PRKN: variants seen among roughly 807,000 people sequenced by gnomAD.
PRKN encodes E3 ubiquitin-protein ligase parkin.
PRKN carries 56 observed loss-of-function variants against 59.5 expected under a neutral mutation model. That is an observed-to-expected ratio of 0.94 (90% CI 0.76 to 1.18). PRKN has a LOEUF of 1.18. PRKN is among the 50% of genes most tolerant of loss of function. PRKN has a pLI of 0.00. For synonymous variants in PRKN, 250 were observed against 222.1 expected (o/e 1.13, Z -1.12); for missense variants, 657 against 596.4 (o/e 1.10, Z -1.06).
intron 9 of PRKN, among the ~76,000 whole-genome samples, chr6:161,424,840 G>A (rs1224956972): frequency 6.6e-6 from 1 of 152,142 alleles, no homozygotes; most frequent in Non-Finnish European, 1.5e-5. Context: ...CTTTTGGTGT[G>A]TGACAGCAAT....
At chr6:162,507,472 C>A (rs917221037) in intron 1 of PRKN, among the ~76,000 whole-genome samples, 2 of 151,798 alleles carry the variant, frequency 1.3e-5, no homozygotes, top group African/African-American at 4.8e-5. Context: ...TTAAAAATAC[C>A]CAGTTCGCTC....
At chr6:161,788,481 C>T (rs1164662161) in intron 6 of PRKN, among the ~76,000 whole-genome samples, 4 of 152,160 alleles carry the variant, frequency 2.6e-5, no homozygotes, top group African/African-American at 9.7e-5. Flanking sequence ...TTGGTTCCCA[C>T]AGAGTGAAGT....
At chr6:162,385,036 C>T (rs1377253574) in intron 2 of PRKN, among the ~76,000 whole-genome samples, 1 of 151,992 alleles carries the variant, frequency 6.6e-6, no homozygotes, top group South Asian at 2.1e-4. Flanking sequence ...GTATTTCCCC[C>T]CTCATGAAAT....
intron 7 of PRKN, among the ~76,000 whole-genome samples, chr6:161,631,747 C>G (rs955800359): frequency 7.0e-6 from 1 of 142,850 alleles, no homozygotes; most frequent in African/African-American, 2.7e-5. Flanking sequence ...TATGCAGTTG[C>G]TAGGGGTACG....
At chr6:162,612,141 T>G (rs1395590575) in intron 1 of PRKN, among the ~76,000 whole-genome samples, 2 of 132,806 alleles carry the variant, frequency 1.5e-5, no homozygotes, top group Non-Finnish European at 3.1e-5. Flanking sequence ...TGCAGTGAGC[T>G]GAGATCGCGC....
intron 3 of PRKN, among the ~76,000 whole-genome samples, chr6:162,251,206 G>A (rs557513595): frequency 3.9e-5 from 6 of 152,174 alleles, no homozygotes; most frequent in South Asian, 4.1e-4. Flanking sequence ...GGCCACAAAC[G>A]TACTCCTAGT....
intron 2 of PRKN, among the ~76,000 whole-genome samples, chr6:162,289,543 A>G (rs2128108792): frequency 6.6e-6 from 1 of 152,142 alleles, no homozygotes; most frequent in East Asian, 1.9e-4. Context: ...CTGAAAATAC[A>G]AAAATTAGCC....
At chr6:162,644,351 G>A (rs992034792) in intron 1 of PRKN, among the ~76,000 whole-genome samples, 2 of 152,222 alleles carry the variant, frequency 1.3e-5, no homozygotes, top group South Asian at 2.1e-4. Flanking sequence ...GTAGCAATCA[G>A]GGTCAAAGGT....
At chr6:162,554,279 G>A (rs537376838) in intron 1 of PRKN, among the ~76,000 whole-genome samples, 48 of 152,218 alleles carry the variant, frequency 3.2e-4, no homozygotes, top group African/African-American at 8.7e-4. Flanking sequence ...TGAGGCGGGC[G>A]GATCACCTGA....
chr6:162,577,895 G>A (rs1025050765), intron 1 of PRKN, among the ~76,000 whole-genome samples: 2 of 152,074 alleles, frequency 1.3e-5, no homozygotes, highest in Non-Finnish European at 1.5e-5. Context: ...CACCAGTGCA[G>A]TCCAGCCCAG....
chr6:162,091,195 C>T (rs981254887), intron 4 of PRKN, among the ~76,000 whole-genome samples: 1 of 151,400 alleles, frequency 6.6e-6, no homozygotes, highest in Non-Finnish European at 1.5e-5. Flanking sequence ...CATGATCTAA[C>T]TATACTTTGT....
At chr6:162,340,133 A>G (rs1784104615) in intron 2 of PRKN, among the ~76,000 whole-genome samples, 1 of 108,876 alleles carries the variant, frequency 9.2e-6, no homozygotes, top group South Asian at 2.5e-4. Context: ...AGAATTATCA[A>G]TAAAAAAATA....
rs567498556 is a variant in PRKN at position 161,547,763 on chromosome 6, C to T, written c.1083+1091G>A. 6.6e-5 allele frequency among the ~76,000 whole-genome samples: 10 copies of T among 152,320 alleles called. No homozygotes were observed. Among genetic ancestry groups the T allele is most frequent in the African/African-American group, 1.9e-4 (8 of 41,558 alleles). ...CTGGAGAGTGTGTCCTGATTTCCAT[C>T]GTCTCCAGGGAGAGTAAACACTTGA... On this transcript the variant is annotated intron_variant, in intron 9 of 11. Transcript: ENST00000366898. The surrounding 1 kb of genome is among the most constrained non-coding windows in gnomAD (Gnocchi z 4.0).
chr6:162,042,384 G>A (rs1041308407), intron 5 of PRKN, among the ~76,000 whole-genome samples: 12 of 151,978 alleles, frequency 7.9e-5, no homozygotes, highest in South Asian at 2.1e-4. Context: ...CTCCACCTCC[G>A]GGGCTAAAGC....
At chr6:162,076,080 T>C (rs1778814837) in intron 4 of PRKN, among the ~76,000 whole-genome samples, 1 of 151,252 alleles carries the variant, frequency 6.6e-6, no homozygotes, top group Non-Finnish European at 1.5e-5. Flanking sequence ...GTGATTCTCC[T>C]GCCTCAACCT....
chr6:161,902,646 C>T (rs1306681219), intron 6 of PRKN, among the ~76,000 whole-genome samples: 1 of 150,588 alleles, frequency 6.6e-6, no homozygotes, highest in South Asian at 2.1e-4. Context: ...TGCAACCCTC[C>T]GCCTCTTGGG....
At chr6:162,504,757 T>C (rs1793530230) in intron 1 of PRKN, among the ~76,000 whole-genome samples, 1 of 152,026 alleles carries the variant, frequency 6.6e-6, no homozygotes, top group African/African-American at 2.4e-5. Flanking sequence ...ATAACCCAAG[T>C]GAAGACAAGC....
At chr6:161,664,537 G>GA (rs35692927) in intron 7 of PRKN, among the ~76,000 whole-genome samples, 9 of 151,880 alleles carry the variant, frequency 5.9e-5, no homozygotes, top group African/African-American at 1.7e-4. Flanking sequence ...AGCCAGATGG[G>GA]AAAAAATCCT....
At chr6:162,338,406 GC>G (rs977424744) in intron 2 of PRKN, among the ~76,000 whole-genome samples, 11 of 149,722 alleles carry the variant, frequency 7.3e-5, no homozygotes, top group Non-Finnish European at 1.5e-4. Flanking sequence ...GCTACTGCAG[GC>G]ACGCGCCGCC....
Sources: gnomAD v4.1 joint callset for allele counts (sites outside exome capture counted in the v4.1 genomes callset) on GRCh38, gnomAD v4.1.1 for gene constraint, Gnocchi (gnomAD v3.1) non-coding constraint, MANE v1.5 for transcripts, NCBI Gene and HGNC (gene_info 2026-07-23, HGNC 2026-07-21) for gene names.